The following MLIP variants were observed in gnomAD, a reference collection of about 807,000 sequenced individuals.
MLIP encodes muscular LMNA-interacting protein.
Under a neutral mutation model 84.8 loss-of-function variants are expected in MLIP, and 79 were observed. The observed-to-expected ratio is 0.93, with a 90% CI of 0.78 to 1.12. The LOEUF is 1.12. MLIP is among the 50% of genes most tolerant of loss of function. The pLI, the probability that MLIP is intolerant of heterozygous loss-of-function variation, is 0.00. For missense variants in MLIP, 1,257 were observed against 1,160.6 expected (o/e 1.08, Z -1.21); for synonymous variants, 504 against 463.0 (o/e 1.09, Z -1.14).
At position 54,138,448 on chromosome 6, in the gene MLIP, A is replaced by G. The variant is rs12174563; in HGVS notation, c.2217+162A>G. Among the ~76,000 whole-genome samples, 103 of 152,294 alleles carry G rather than the reference A, an allele frequency of 6.8e-4. No homozygotes were observed. The East Asian group carries it at 0.011, about 16-fold the overall frequency. Reference sequence around the variant, plus strand: ...CAGGACTTGGTATATTTGAATGTGTAAATGAATTATAATCTGTATAGAATT... The same window carrying G: ...CAGGACTTGGTATATTTGAATGTGTGAATGAATTATAATCTGTATAGAATT... On this transcript the variant is annotated intron_variant, in intron 4 of 13. Coordinates refer to ENST00000502396, the MANE Select transcript of MLIP (RefSeq NM_001281747.2).
Position 54,225,815 on chromosome 6 carries a change from G to A in MLIP, c.2719-4899G>A, listed in dbSNP as rs180861445. On this transcript the variant is annotated intron_variant, in intron 11 of 13. Coordinates refer to ENST00000502396, the MANE Select transcript of MLIP (RefSeq NM_001281747.2). ...AGTAAGGGATGGTGGATTGAATAAT[G>A]CCTCTAAATATGCTCCTTCCCAATA... 2.0e-5 allele frequency among the ~76,000 whole-genome samples: 3 copies of A among 152,298 alleles called. No homozygotes were observed. In the East Asian group the frequency reaches 5.8e-4, roughly 29 times the overall value.
At chr6:54,262,880 G>A (rs1218379996) in intron 13 of MLIP, among the ~76,000 whole-genome samples, 1 of 152,036 alleles carries the variant, frequency 6.6e-6, no homozygotes, top group Non-Finnish European at 1.5e-5. Flanking sequence ...TCTTACACTT[G>A]GTTGGCAAGA....
chr6:54,201,230 T>G lies in MLIP; in HGVS notation c.2590-875T>G, dbSNP rs116438405. Among the ~76,000 whole-genome samples the G allele has an allele frequency of 9.8e-3, 1,488 of 152,300 alleles. 22 individuals are homozygous for G. Among genetic ancestry groups the G allele is most frequent in the African/African-American group, 0.033 (1,358 of 41,566 alleles). Reference sequence around the variant, plus strand: ...AAGCTTAAGAATCTCGAGTGACTGATGTATTAGCTAAAATTCTTTGGATTG... The same window carrying G: ...AAGCTTAAGAATCTCGAGTGACTGAGGTATTAGCTAAAATTCTTTGGATTG... On this transcript the variant is annotated intron_variant, in intron 10 of 13. Transcript: ENST00000502396.
chr6:54,082,479 C>T (rs1029263825), intron 1 of MLIP, among the ~76,000 whole-genome samples: 2 of 152,196 alleles, frequency 1.3e-5, no homozygotes, highest in African/African-American at 2.4e-5. Flanking sequence ...TCCCCTAACA[C>T]TTGGGGATTA....
At chr6:54,150,626 T>C (rs529064167) in intron 5 of MLIP, among the ~76,000 whole-genome samples, 3 of 152,324 alleles carry the variant, frequency 2.0e-5, no homozygotes, top group African/African-American at 7.2e-5. Context: ...TCTCGCCTCA[T>C]CTAGGCACAT....
chr6:54,104,389 A>G (rs1487676531), intron 1 of MLIP, among the ~76,000 whole-genome samples: 1 of 152,204 alleles, frequency 6.6e-6, no homozygotes, highest in Non-Finnish European at 1.5e-5. Flanking sequence ...ATGGTTCACT[A>G]TGGAATCTCT....
chr6:54,207,752 G>A (rs951990117), intron 11 of MLIP, among the ~76,000 whole-genome samples: 30 of 152,276 alleles, frequency 2.0e-4, no homozygotes, highest in Middle Eastern at 3.4e-3. Flanking sequence ...ACGCAAATGT[G>A]TTCTATGTTT....
chr6:54,177,582 T>C (rs1480081072), intron 9 of MLIP, among the ~76,000 whole-genome samples: 1 of 152,154 alleles, frequency 6.6e-6, no homozygotes, highest in Non-Finnish European at 1.5e-5. Context: ...AGAAATGCTT[T>C]TACACTGTTG....
At chr6:54,025,025 T>C (rs1209538121) in intron 1 of MLIP, among the ~76,000 whole-genome samples, 1 of 150,276 alleles carries the variant, frequency 6.7e-6, no homozygotes, top group East Asian at 1.9e-4. Context: ...TTTTTTTGTA[T>C]TTTAGTAGAG....
intron 1 of MLIP, chr6:54,019,185 C>A (rs575631124): frequency 2.3e-6 from 3 of 1,288,590 alleles, no homozygotes; most frequent in Non-Finnish European, 2.2e-6. Flanking sequence ...GCTAGCCGGC[C>A]TCTGTTTCCA....
At chr6:54,021,662 C>T (rs28638797) in intron 1 of MLIP, among the ~76,000 whole-genome samples, 9,993 of 152,160 alleles carry the variant, frequency 0.066, 805 homozygotes, top group African/African-American at 0.18. Context: ...TGATTTTTGC[C>T]CTGAGTTTAT....
chr6:54,262,986 T>C (rs1167906502), intron 13 of MLIP, among the ~76,000 whole-genome samples: 2 of 152,076 alleles, frequency 1.3e-5, no homozygotes, highest in Non-Finnish European at 2.9e-5. Flanking sequence ...CAGTTAAATC[T>C]ACTATAGGAG....
intron 3 of MLIP, among the ~76,000 whole-genome samples, chr6:54,132,961 A>G (rs1431876718): frequency 1.3e-5 from 2 of 152,178 alleles, no homozygotes; most frequent in Non-Finnish European, 2.9e-5. Context: ...ACATAATGGC[A>G]GTTGCTGGGA....
chr6:54,039,528 A>G (rs965387693), intron 1 of MLIP, among the ~76,000 whole-genome samples: 1 of 151,890 alleles, frequency 6.6e-6, no homozygotes, highest in Non-Finnish European at 1.5e-5. Flanking sequence ...GAATGAATAC[A>G]CAGATCAGAA....
chr6:54,210,730 G>GGAAA (rs376473532), intron 11 of MLIP, among the ~76,000 whole-genome samples: 78 of 131,254 alleles, frequency 5.9e-4, no homozygotes, highest in African/African-American at 1.4e-3. Flanking sequence ...CCAACGGAGG[G>GGAAA]AAAAAAAAAA....
At chr6:54,192,829 C>T (rs1221562430) in intron 10 of MLIP, among the ~76,000 whole-genome samples, 2 of 151,954 alleles carry the variant, frequency 1.3e-5, no homozygotes, top group African/African-American at 4.8e-5. Flanking sequence ...GTAAAACAAA[C>T]TAAATAGTTA....
At chr6:54,261,892 G>A (rs1783415574) in intron 13 of MLIP, 1 of 271,258 alleles carries the variant, frequency 3.7e-6, no homozygotes, top group African/African-American at 2.3e-5. Flanking sequence ...GAGAGTTGAA[G>A]GTTGTAATCT....
At chr6:54,200,691 T>C (rs1778618874) in intron 10 of MLIP, among the ~76,000 whole-genome samples, 1 of 147,684 alleles carries the variant, frequency 6.8e-6, no homozygotes, top group East Asian at 2.1e-4. Context: ...CATGACTTCA[T>C]GCACAATTGG....
At chr6:54,192,725 G>A (rs1412363864) in intron 10 of MLIP, among the ~76,000 whole-genome samples, 1 of 151,968 alleles carries the variant, frequency 6.6e-6, no homozygotes, top group Non-Finnish European at 1.5e-5. Flanking sequence ...GTTTATATGA[G>A]TAAATATGTA....
Sources: gnomAD v4.1 joint callset for allele counts (sites outside exome capture counted in the v4.1 genomes callset) on GRCh38, gnomAD v4.1.1 for gene constraint, MANE v1.5 for transcripts, NCBI Gene and HGNC (gene_info 2026-07-23, HGNC 2026-07-21) for gene names.